TENM2: variants seen among roughly 807,000 people sequenced by gnomAD.
TENM2 encodes teneurin-2.
In TENM2, 52 loss-of-function variants were observed where a neutral mutation model predicts 245.2. The observed-to-expected ratio is 0.21, with a 90% CI of 0.17 to 0.27. TENM2 has a LOEUF of 0.27. Among genes scored for constraint, TENM2 ranks in the 10% least tolerant of loss-of-function variants. The pLI, the probability that TENM2 is intolerant of heterozygous loss-of-function variation, is 1.00. For synonymous variants in TENM2, 1,363 were observed against 1,438.9 expected (o/e 0.95, Z 1.19); for missense variants, 3,046 against 3,666.8 (o/e 0.83, Z 4.37).
At chr5:167,696,714 G>A (rs1424827626) in intron 2 of TENM2, among the ~76,000 whole-genome samples, 4 of 152,110 alleles carry the variant, frequency 2.6e-5, no homozygotes, top group Non-Finnish European at 4.4e-5. Context: ...AAATGTCTCC[G>A]TTAGCGCGAA....
the TENM2 span, among the ~76,000 whole-genome samples, chr5:166,988,872 T>A: frequency 1.3e-5 from 2 of 152,130 alleles, no homozygotes; most frequent in South Asian, 4.1e-4. Context: ...CATTGAAAGT[T>A]CCAAGCTGGT....
chr5:168,081,935 C>A (rs1338411150), intron 7 of TENM2, among the ~76,000 whole-genome samples: 3 of 152,132 alleles, frequency 2.0e-5, no homozygotes, highest in African/African-American at 7.2e-5. Flanking sequence ...GGAGGAGTAT[C>A]TTTGTGGCAT....
chr5:167,608,882 T>A (rs1355127072), intron 2 of TENM2, among the ~76,000 whole-genome samples: 1 of 152,194 alleles, frequency 6.6e-6, no homozygotes, highest in Non-Finnish European at 1.5e-5. Flanking sequence ...TCTAATTTTT[T>A]AAGTGATTTT....
the TENM2 span, among the ~76,000 whole-genome samples, chr5:166,998,504 G>T: frequency 3.9e-5 from 6 of 152,122 alleles, no homozygotes; most frequent in African/African-American, 1.4e-4. Flanking sequence ...TAAAAAAATA[G>T]AGGGAAAGAG....
At chr5:167,915,715 T>C (rs969174059) in intron 3 of TENM2, among the ~76,000 whole-genome samples, 1 of 152,200 alleles carries the variant, frequency 6.6e-6, no homozygotes, top group African/African-American at 2.4e-5. Context: ...ATAGCATCCC[T>C]GAGAGAGAAA....
At chr5:167,167,562 CACA>C in the TENM2 span, among the ~76,000 whole-genome samples, 1 of 152,152 alleles carries the variant, frequency 6.6e-6, no homozygotes, top group Non-Finnish European at 1.5e-5. Context: ...ACTCATTTTT[CACA>C]ACTCTCATTA....
chr5:167,645,450 G>A (rs1009342135), intron 2 of TENM2, among the ~76,000 whole-genome samples: 17 of 152,194 alleles, frequency 1.1e-4, no homozygotes, highest in African/African-American at 4.1e-4. Context: ...ATAAAATCCA[G>A]TTTGGAAATC....
intron 2 of TENM2, among the ~76,000 whole-genome samples, chr5:167,666,885 T>C (rs1479111896): frequency 6.6e-6 from 1 of 152,178 alleles, no homozygotes; most frequent in Non-Finnish European, 1.5e-5. Flanking sequence ...ATGTTGGATT[T>C]TTGAATACAT....
intron 1 of TENM2, among the ~76,000 whole-genome samples, chr5:167,323,477 A>C (rs1756890443): frequency 6.6e-6 from 1 of 152,078 alleles, no homozygotes; most frequent in African/African-American, 2.4e-5. Context: ...CCCCTCCCTA[A>C]AATAGTGCTG....
At chr5:167,353,538 C>G (rs1378935773) in intron 1 of TENM2, among the ~76,000 whole-genome samples, 1 of 104,276 alleles carries the variant, frequency 9.6e-6, no homozygotes, top group Non-Finnish European at 1.7e-5. Context: ...GACGGAGTCT[C>G]GCTCTGTCGC....
rs373787043 is a variant in TENM2, at chr5:167,758,685, A to G, written c.503-117301A>G. Reference sequence around the variant, plus strand: ...GGTTGTTAGGACTCACATTCTGTACATGGAAACATTTATTAGGACTCTGGT... The same window carrying G: ...GGTTGTTAGGACTCACATTCTGTACGTGGAAACATTTATTAGGACTCTGGT... On this transcript the variant is annotated intron_variant, in intron 2 of 28. Coordinates refer to ENST00000518659, the Ensembl canonical transcript of TENM2. Among the ~76,000 whole-genome samples, 193 of 152,260 alleles carry G rather than the reference A, an allele frequency of 1.3e-3. 1 individual carries two copies. In the South Asian group the frequency reaches 0.039, roughly 30 times the overall value.
chr5:168,261,366 ACT>A (rs1296834122), intron 28 of TENM2, among the ~76,000 whole-genome samples: 1 of 151,812 alleles, frequency 6.6e-6, no homozygotes, highest in Non-Finnish European at 1.5e-5. Context: ...TCAAAGCCTG[ACT>A]CTCTCAGCCT....
At chr5:167,439,334 G>C (rs544614682) in intron 2 of TENM2, among the ~76,000 whole-genome samples, 2 of 152,238 alleles carry the variant, frequency 1.3e-5, no homozygotes, top group East Asian at 1.9e-4. Flanking sequence ...ACCTTTTTTG[G>C]CTTAGATACA....
intron 3 of TENM2, among the ~76,000 whole-genome samples, chr5:167,890,279 G>A (rs1363255351): frequency 6.6e-6 from 1 of 152,066 alleles, no homozygotes; most frequent in Non-Finnish European, 1.5e-5. Flanking sequence ...CGAATCTGTC[G>A]CCTCTCTTTA....
intron 4 of TENM2, among the ~76,000 whole-genome samples, chr5:167,989,291 AG>A (rs1783487667): frequency 2.0e-5 from 3 of 151,486 alleles, no homozygotes; most frequent in African/African-American, 7.3e-5. Context: ...AGAGAGAGAG[AG>A]AGAGAGAGAT....
chr5:168,233,739 A>G (rs1230256796), intron 25 of TENM2, among the ~76,000 whole-genome samples: 1 of 152,220 alleles, frequency 6.6e-6, no homozygotes, highest in Non-Finnish European at 1.5e-5. Flanking sequence ...AAGAAAAAGA[A>G]GTTTAATTGG....
chr5:167,786,529 G>T (rs910150228), intron 2 of TENM2, among the ~76,000 whole-genome samples: 1 of 152,206 alleles, frequency 6.6e-6, no homozygotes, highest in African/African-American at 2.4e-5. Context: ...ACACTCCTAA[G>T]ATTGAATCTC....
At chr5:168,182,097 G>T (rs894860308) in intron 13 of TENM2, among the ~76,000 whole-genome samples, 1 of 152,150 alleles carries the variant, frequency 6.6e-6, no homozygotes, top group South Asian at 2.1e-4. Flanking sequence ...CCTTCCAAAC[G>T]AGCATCCTGT....
chr5:167,344,956 T>G (rs368166133), intron 1 of TENM2, among the ~76,000 whole-genome samples: 43 of 152,228 alleles, frequency 2.8e-4, no homozygotes, highest in African/African-American at 1.0e-3. Context: ...GACTCTAAGA[T>G]GAGGATGCAG....
Sources: gnomAD v4.1 joint callset for allele counts (sites outside exome capture counted in the v4.1 genomes callset) on GRCh38, gnomAD v4.1.1 for gene constraint, MANE v1.5 for transcripts, NCBI Gene and HGNC (gene_info 2026-07-23, HGNC 2026-07-21) for gene names.